Variants in PACRG observed in about 807,000 individuals in gnomAD.
PACRG encodes parkin coregulated gene protein.
PACRG carries 29 observed loss-of-function variants against 29.7 expected under a neutral mutation model. The ratio of observed to expected loss-of-function variants is 0.98; its 90% CI spans 0.73 to 1.33. The LOEUF is 1.33. Among genes scored for constraint, PACRG ranks in the 40% most tolerant of loss-of-function variants. PACRG has a pLI of 0.00. For missense variants in PACRG, 279 were observed against 316.2 expected (o/e 0.88, Z 0.89); for synonymous variants, 116 against 118.7 (o/e 0.98, Z 0.15).
At chr6:163,171,548 C>T (rs779582669) in intron 4 of PACRG, among the ~76,000 whole-genome samples, 1 of 152,230 alleles carries the variant, frequency 6.6e-6, no homozygotes, top group Non-Finnish European at 1.5e-5. Flanking sequence ...AGGCTCCTAT[C>T]TACTCCCAAT....
chr6:162,995,813 T>C lies in PACRG; in HGVS notation c.292-66337T>C, dbSNP rs145481319. The stretch of plus-strand genomic sequence containing the variant: ...GTAATATCCTGTTGTGTGTATATAC[T>C]ACATATTCTTTACCCATCCATTTGT... On this transcript the variant is annotated intron_variant, in intron 2 of 4. Transcript: ENST00000366888. Among the ~76,000 whole-genome samples the C allele has an allele frequency of 9.8e-4, 149 of 152,384 alleles. 1 individual carries two copies. The highest frequency in any genetic ancestry group is 3.2e-3 in the African/African-American group (134 of 41,598).
At chr6:163,145,091 C>T (rs1409985552) in intron 4 of PACRG, among the ~76,000 whole-genome samples, 1 of 152,164 alleles carries the variant, frequency 6.6e-6, no homozygotes, top group Admixed American at 6.5e-5. Flanking sequence ...TCCCACCCAA[C>T]CCACCATGAG....
intron 2 of PACRG, among the ~76,000 whole-genome samples, chr6:162,895,232 C>T (rs918517511): frequency 9.7e-5 from 14 of 144,330 alleles, no homozygotes; most frequent in Non-Finnish European, 1.9e-4. Context: ...TTCGTGCCAC[C>T]GCACTCCAGT....
chr6:163,295,239 C>T (rs111964810), intron 4 of PACRG, among the ~76,000 whole-genome samples: 336 of 152,270 alleles, frequency 2.2e-3, no homozygotes, highest in African/African-American at 6.0e-3. Flanking sequence ...TTTTTAAAAA[C>T]GTAAATGCAT....
intron 2 of PACRG, among the ~76,000 whole-genome samples, chr6:162,930,669 A>G (rs1288333439): frequency 2.0e-5 from 3 of 151,994 alleles, no homozygotes; most frequent in Non-Finnish European, 2.9e-5. Flanking sequence ...TTCTTGTTCC[A>G]TATCGTAGAG....
chr6:162,806,323 G>C (rs1382776857), intron 1 of PACRG, among the ~76,000 whole-genome samples: 1 of 151,612 alleles, frequency 6.6e-6, no homozygotes, highest in Non-Finnish European at 1.5e-5. Flanking sequence ...GGTCAGGCTG[G>C]TCTTGAACTC....
At chr6:163,153,409 G>C (rs140178193) in intron 4 of PACRG, among the ~76,000 whole-genome samples, 1 of 152,254 alleles carries the variant, frequency 6.6e-6, no homozygotes, top group African/African-American at 2.4e-5. Flanking sequence ...TTATATTTTA[G>C]ATATGTTTTT....
In PACRG at chr6:163,067,569, AG is replaced by A. The variant is rs1249538436; in HGVS notation, c.463+5249del. ...TTTCAGTAAGGCAATCTTTTTTTAA[AG>A]AAAGCCAAGGTAACTTGTAAAAAAA... On this transcript the variant is annotated intron_variant, in intron 3 of 4. Transcript: ENST00000366888. 4.6e-5 allele frequency among the ~76,000 whole-genome samples: 7 copies of A among 152,232 alleles called. No homozygotes were observed. In the South Asian group the frequency reaches 1.0e-3, roughly 22 times the overall value.
intron 4 of PACRG, among the ~76,000 whole-genome samples, chr6:163,151,761 A>G (rs1778102488): frequency 6.6e-6 from 1 of 152,234 alleles, no homozygotes; most frequent in Non-Finnish European, 1.5e-5. Flanking sequence ...AAGAATATCA[A>G]TTATATAGCC....
intron 3 of PACRG, among the ~76,000 whole-genome samples, chr6:163,080,194 G>A (rs546163695): frequency 8.0e-4 from 121 of 152,104 alleles, no homozygotes; most frequent in Middle Eastern, 3.4e-3. Flanking sequence ...CACTGTGCCC[G>A]GCCCTAGTCA....
At chr6:163,024,710 A>T (rs1806957191) in intron 2 of PACRG, among the ~76,000 whole-genome samples, 1 of 151,628 alleles carries the variant, frequency 6.6e-6, no homozygotes, top group Admixed American at 6.6e-5. Context: ...TGAACATGAG[A>T]TTTTTTTTTA....
chr6:163,251,477 T>C (rs1036595328), intron 4 of PACRG, among the ~76,000 whole-genome samples: 1 of 152,190 alleles, frequency 6.6e-6, no homozygotes, highest in East Asian at 1.9e-4. Context: ...CAATATTCAA[T>C]CATAATCTTT....
chr6:162,835,677 T>C (rs557403236), intron 2 of PACRG, among the ~76,000 whole-genome samples: 1 of 152,274 alleles, frequency 6.6e-6, no homozygotes, highest in East Asian at 1.9e-4. Context: ...GTGGTTTTTT[T>C]TGTTGTGTGG....
chr6:163,239,873 T>TAC (rs34223091), intron 4 of PACRG, among the ~76,000 whole-genome samples: 28,186 of 117,200 alleles, frequency 0.24, 3,654 homozygotes, highest in East Asian at 0.45. Flanking sequence ...CACCCCGACA[T>TAC]ACACACACTC....
chr6:163,267,150 GA>G (rs1364364582), intron 4 of PACRG, among the ~76,000 whole-genome samples: 2 of 141,038 alleles, frequency 1.4e-5, no homozygotes, highest in Non-Finnish European at 3.2e-5. Flanking sequence ...CACACTGGGA[GA>G]GGGGGTCTGC....
chr6:163,242,360 A>G (rs892877319), intron 4 of PACRG, among the ~76,000 whole-genome samples: 2 of 152,242 alleles, frequency 1.3e-5, no homozygotes, highest in Non-Finnish European at 2.9e-5. Context: ...ACAAATGCAA[A>G]TTATCGCATA....
chr6:162,902,101 T>C (rs1795602842), intron 2 of PACRG, among the ~76,000 whole-genome samples: 1 of 152,256 alleles, frequency 6.6e-6, no homozygotes, highest in Admixed American at 6.5e-5. Context: ...TCTTACTCTA[T>C]GGTTTCACAC....
intron 2 of PACRG, among the ~76,000 whole-genome samples, chr6:162,817,598 T>C (rs1422301376): frequency 6.6e-6 from 1 of 152,230 alleles, no homozygotes; most frequent in Non-Finnish European, 1.5e-5. Flanking sequence ...ATTGGCCATA[T>C]GTGGTGATTA....
intron 2 of PACRG, among the ~76,000 whole-genome samples, chr6:162,995,415 A>T (rs141674930): frequency 0.03 from 4,472 of 151,320 alleles, 240 homozygotes; most frequent in African/African-American, 0.1. Context: ...TAGGACCCTC[A>T]GAGCCAGGTG....
Sources: allele counts gnomAD v4.1 joint callset (sites outside exome capture counted in the v4.1 genomes callset), GRCh38; gene constraint gnomAD v4.1.1; transcripts MANE v1.5; gene names NCBI Gene and HGNC (gene_info 2026-07-23, HGNC 2026-07-21).